RPH3A: variants seen among roughly 807,000 people sequenced by gnomAD.
The protein encoded by RPH3A is rabphilin 3A.
RPH3A carries 48 observed loss-of-function variants against 102.2 expected under a neutral mutation model. That is an observed-to-expected ratio of 0.47 (90% confidence interval 0.37 to 0.60). The LOEUF is 0.60. RPH3A is among the 20% of genes least tolerant of loss of function. The pLI is 0.00. For missense variants in RPH3A, 781 were observed against 910.1 expected (o/e 0.86, Z 1.83); for synonymous variants, 310 against 324.3 (o/e 0.96, Z 0.47).
At chr12:112,654,299 T>A (rs2039995797) in intron 1 of RPH3A, among the ~76,000 whole-genome samples, 1 of 152,228 alleles carries the variant, frequency 6.6e-6, no homozygotes, top group Non-Finnish European at 1.5e-5. Flanking sequence ...GCTTTCAAAC[T>A]CTTTAAGGAG....
intron 1 of RPH3A, among the ~76,000 whole-genome samples, chr12:112,785,548 T>C (rs746090997): frequency 6.6e-5 from 10 of 152,090 alleles, no homozygotes; most frequent in Non-Finnish European, 7.4e-5. Flanking sequence ...TAAATAATAA[T>C]CACAATGGCC....
chr12:112,789,887 C>CAA (rs144494791), upstream of RPH3A, among the ~76,000 whole-genome samples: 1,619 of 70,638 alleles, frequency 0.023, 46 homozygotes, highest in African/African-American at 0.067. Context: ...CCCATCTCTG[C>CAA]AAAAAAAAAA....
intron 1 of RPH3A, among the ~76,000 whole-genome samples, chr12:112,731,070 C>T (rs994875066): frequency 2.3e-4 from 35 of 152,270 alleles, no homozygotes; most frequent in African/African-American, 8.4e-4. Context: ...TCTCTAGGAG[C>T]TCTGTGTTAG....
At chr12:112,581,613 T>G (rs1378735968) in intron 1 of RPH3A, among the ~76,000 whole-genome samples, 1 of 152,190 alleles carries the variant, frequency 6.6e-6, no homozygotes, top group Non-Finnish European at 1.5e-5. Flanking sequence ...TTTCCCAAGC[T>G]GGTCTTGAAC....
intron 1 of RPH3A, among the ~76,000 whole-genome samples, chr12:112,767,325 GTCC>G (rs1446380868): frequency 3.9e-5 from 6 of 152,242 alleles, no homozygotes; most frequent in African/African-American, 1.4e-4. Context: ...ACCCCTTATT[GTCC>G]TCCTCCTCAA....
At chr12:112,660,798 G>A (rs1163420160) in intron 1 of RPH3A, among the ~76,000 whole-genome samples, 6 of 152,208 alleles carry the variant, frequency 3.9e-5, no homozygotes. Flanking sequence ...TGCAGTGGAG[G>A]AGGGGTTCAA....
At chr12:112,635,869 GA>G (rs1315209068) in intron 1 of RPH3A, among the ~76,000 whole-genome samples, 1 of 152,124 alleles carries the variant, frequency 6.6e-6, no homozygotes, top group African/African-American at 2.4e-5. Flanking sequence ...AGTAACAAGG[GA>G]AAATATCAGG....
chr12:112,702,149 A>C (rs2040399040), intron 1 of RPH3A, among the ~76,000 whole-genome samples: 1 of 152,188 alleles, frequency 6.6e-6, no homozygotes, highest in African/African-American at 2.4e-5. Context: ...TTTCAGTGTT[A>C]TTTTGTATTT....
chr12:112,648,809 T>C (rs957026298), intron 1 of RPH3A, among the ~76,000 whole-genome samples: 4 of 151,638 alleles, frequency 2.6e-5, no homozygotes, highest in African/African-American at 9.7e-5. Context: ...GGTTTTTCCT[T>C]TACACAAATT....
At chr12:112,805,835 A>C (rs766981150) in intron 2 of RPH3A, among the ~76,000 whole-genome samples, 2 of 152,220 alleles carry the variant, frequency 1.3e-5, no homozygotes, top group South Asian at 2.1e-4. Flanking sequence ...TTTGATAAAT[A>C]TTTATTGACC....
intron 1 of RPH3A, among the ~76,000 whole-genome samples, chr12:112,596,926 CG>C (rs1326288542): frequency 6.6e-6 from 1 of 152,108 alleles, no homozygotes. Context: ...AGGTCTTGCT[CG>C]TCTTTTGTTA....
At chr12:112,796,960 G>T (rs907252383) in intron 2 of RPH3A, among the ~76,000 whole-genome samples, 1 of 152,116 alleles carries the variant, frequency 6.6e-6, no homozygotes, top group Non-Finnish European at 1.5e-5. Flanking sequence ...TAAGGCAGGA[G>T]AATTACTTGA....
chr12:112,812,730 T>C (rs2136123788), intron 2 of RPH3A, among the ~76,000 whole-genome samples: 1 of 152,238 alleles, frequency 6.6e-6, no homozygotes, highest in Non-Finnish European at 1.5e-5. Flanking sequence ...ACAAAACCCC[T>C]TTGTATATTT....
intron 1 of RPH3A, among the ~76,000 whole-genome samples, chr12:112,584,682 G>C (rs1256900926): frequency 6.6e-6 from 1 of 152,208 alleles, no homozygotes; most frequent in Admixed American, 6.5e-5. Context: ...TGTTATTAAG[G>C]ATGGAGCTTT....
At chr12:112,599,565 G>A (rs1237521877) in intron 1 of RPH3A, among the ~76,000 whole-genome samples, 2 of 152,110 alleles carry the variant, frequency 1.3e-5, no homozygotes, top group Non-Finnish European at 1.5e-5. Context: ...TAGGAATTTG[G>A]TTTATTCAGA....
At chr12:112,686,222 C>T (rs945108567) in intron 1 of RPH3A, among the ~76,000 whole-genome samples, 4 of 152,038 alleles carry the variant, frequency 2.6e-5, no homozygotes, top group Non-Finnish European at 4.4e-5. Context: ...CTTCCTTGTA[C>T]TTTCATCTTC....
At chr12:112,730,769 G>A (rs4767001) in intron 1 of RPH3A, among the ~76,000 whole-genome samples, 117,061 of 152,050 alleles carry the variant, frequency 0.77, 45,890 homozygotes, top group African/African-American at 0.91. Flanking sequence ...TTGGAAGCAG[G>A]CTCTGGCCAT....
chr12:112,872,961 CATT>C (rs966720357), intron 10 of RPH3A, among the ~76,000 whole-genome samples: 60 of 152,288 alleles, frequency 3.9e-4, no homozygotes, highest in Middle Eastern at 3.4e-3. Context: ...CTGTCTAAAG[CATT>C]ATAGCCTGAA....
intron 1 of RPH3A, among the ~76,000 whole-genome samples, chr12:112,709,836 G>C (rs578253845): frequency 1.3e-5 from 2 of 152,130 alleles, no homozygotes; most frequent in African/African-American, 4.8e-5. Context: ...ACAGTGGGGC[G>C]CTGATTATCC....
Sources: allele counts gnomAD v4.1 joint callset (sites outside exome capture counted in the v4.1 genomes callset), GRCh38; gene constraint gnomAD v4.1.1; transcripts MANE v1.5; gene names NCBI Gene and HGNC (gene_info 2026-07-23, HGNC 2026-07-21).